The following GALNT14 variants were observed in gnomAD, a reference collection of about 807,000 sequenced individuals.
GALNT14 encodes polypeptide N-acetylgalactosaminyltransferase 14, also known as UDP-GalNAc:polypeptide N-acetylgalactosaminyltransferase 14.
A neutral mutation model predicts 77.5 loss-of-function variants in GALNT14; 60 were observed. That is an observed-to-expected ratio of 0.77 (90% CI 0.63 to 0.96). GALNT14 has a LOEUF of 0.96. GALNT14 is among the 40% of genes least tolerant of loss of function. The pLI, the probability that GALNT14 is intolerant of heterozygous loss-of-function variation, is 0.00. For synonymous variants in GALNT14, 280 were observed against 281.7 expected (o/e 0.99, Z 0.06); for missense variants, 710 against 731.0 (o/e 0.97, Z 0.33).
At chr2:31,037,733 G>T (rs1026171348) in intron 1 of GALNT14, among the ~76,000 whole-genome samples, 9 of 152,018 alleles carry the variant, frequency 5.9e-5, no homozygotes, top group African/African-American at 2.2e-4. Flanking sequence ...TGTAGTCACT[G>T]AAGCCTTGAT....
At chr2:31,100,683 T>C (rs968109053) in intron 1 of GALNT14, among the ~76,000 whole-genome samples, 3 of 140,336 alleles carry the variant, frequency 2.1e-5, no homozygotes, top group African/African-American at 5.6e-5. Context: ...TAGCCTGAGA[T>C]GGATGTGTTT....
Position 30,910,870 on chromosome 2 carries a change from C to T in GALNT14, c.*31G>A, listed in dbSNP as rs769204797. On this transcript the variant is annotated 3_prime_UTR_variant, in exon 15 of 15. Coordinates refer to ENST00000349752, the MANE Select transcript of GALNT14 (RefSeq NM_024572.4). ...TGTTCTGGTCCAGGGAAGCACCACC[C>T]CATGGCCCTTGCTGCTTCTGGCAGG... 10 of 1,609,626 alleles carry T rather than the reference C, an allele frequency of 6.2e-6. No individual in the cohort carries two copies. The highest frequency in any genetic ancestry group is 8.5e-6 in the Non-Finnish European group (10 of 1,177,810).
At chr2:30,982,758 T>C (rs1464016850) in intron 2 of GALNT14, among the ~76,000 whole-genome samples, 3 of 152,230 alleles carry the variant, frequency 2.0e-5, no homozygotes, top group African/African-American at 4.8e-5. Context: ...GGAAAAATTC[T>C]TCAAGATATA....
At chr2:30,969,179 G>A (rs1668192756) in intron 2 of GALNT14, among the ~76,000 whole-genome samples, 1 of 152,204 alleles carries the variant, frequency 6.6e-6, no homozygotes, top group Admixed American at 6.5e-5. Flanking sequence ...GACAGCAGAG[G>A]AAAAAGAGCC....
At chr2:30,930,489 G>C (rs1364423492) in intron 10 of GALNT14, among the ~76,000 whole-genome samples, 2 of 152,236 alleles carry the variant, frequency 1.3e-5, no homozygotes, top group Non-Finnish European at 2.9e-5. Flanking sequence ...AAAGGAGACA[G>C]ACAGAGAGAC....
intron 2 of GALNT14, among the ~76,000 whole-genome samples, chr2:30,971,834 G>A (rs551519818): frequency 4.6e-5 from 7 of 152,070 alleles, no homozygotes; most frequent in Non-Finnish European, 7.4e-5. Flanking sequence ...AGTCATGGCA[G>A]TCATGTCATG....
rs182991156 is a variant in GALNT14, at chr2:30,932,729, G to T, written c.932-535C>A. 1.6e-3 allele frequency among the ~76,000 whole-genome samples: 245 copies of T among 152,280 alleles called. No homozygotes were observed. In the Middle Eastern group the frequency reaches 0.02, roughly 13 times the overall value. On this transcript the variant is annotated intron_variant, in intron 9 of 14. Transcript: ENST00000349752. ...CTTCACGGCAAGGATGCAACAAAGG[G>T]GACTGAGTCCCCAGAAGGCCTCAGG...
chr2:31,075,647 G>T (rs1339802508), intron 1 of GALNT14, among the ~76,000 whole-genome samples: 1 of 152,214 alleles, frequency 6.6e-6, no homozygotes, highest in African/African-American at 2.4e-5. Context: ...AGGGACCACT[G>T]CTCCTCCGTG....
chr2:31,101,383 G>A (rs1020519939), intron 1 of GALNT14, among the ~76,000 whole-genome samples: 1 of 151,942 alleles, frequency 6.6e-6, no homozygotes, highest in African/African-American at 2.4e-5. Flanking sequence ...TCAGGTTTTG[G>A]TAAAAGTTAT....
chr2:31,062,727 T>C (rs904298756), intron 1 of GALNT14, among the ~76,000 whole-genome samples: 5 of 152,194 alleles, frequency 3.3e-5, no homozygotes, highest in Non-Finnish European at 5.9e-5. Context: ...GTATCTGTTG[T>C]TTCATGACTT....
intron 1 of GALNT14, among the ~76,000 whole-genome samples, chr2:31,094,632 G>A (rs180738117): frequency 2.6e-5 from 4 of 152,344 alleles, no homozygotes; most frequent in East Asian, 1.9e-4. Flanking sequence ...CTAGCCAAGT[G>A]TTGCTCAGCT....
intron 1 of GALNT14, among the ~76,000 whole-genome samples, chr2:31,130,777 T>TGCGC (rs1170219175): frequency 6.6e-5 from 9 of 137,106 alleles, no homozygotes; most frequent in African/African-American, 2.7e-4. Flanking sequence ...TGTGTGTGTG[T>TGCGC]GTGTGTGCGC....
chr2:31,097,971 T>C lies in GALNT14; in HGVS notation c.129+39987A>G, dbSNP rs946910593. Among the ~76,000 whole-genome samples, 49 of 152,170 alleles carry C rather than the reference T, an allele frequency of 3.2e-4. 1 individual carries two copies. Among genetic ancestry groups the C allele is most frequent in the Non-Finnish European group, 2.9e-5 (2 of 68,016 alleles). Reference sequence around the variant, plus strand: ...ATGTTTGCCTAGTTAATTTCCATGATCTGTTCCACCTCCACCATTTTGTGC... The same window carrying C: ...ATGTTTGCCTAGTTAATTTCCATGACCTGTTCCACCTCCACCATTTTGTGC... On this transcript the variant is annotated intron_variant, in intron 1 of 14. Coordinates refer to ENST00000349752, the MANE Select transcript of GALNT14 (RefSeq NM_024572.4).
chr2:31,075,428 T>A (rs1337797098), intron 1 of GALNT14, among the ~76,000 whole-genome samples: 2 of 152,162 alleles, frequency 1.3e-5, no homozygotes, highest in African/African-American at 4.8e-5. Flanking sequence ...TAGAAGCTGC[T>A]CCTAAAAGGT....
chr2:30,951,548 A>G (rs1222416115), intron 6 of GALNT14, among the ~76,000 whole-genome samples: 3 of 152,256 alleles, frequency 2.0e-5, no homozygotes, highest in African/African-American at 7.2e-5. Context: ...TGGTGATTAC[A>G]CAACCTTGTG....
At chr2:30,955,481 A>G in intron 6 of GALNT14, 137 bp downstream of exon 6, 1 of 1,191,788 alleles carries the variant, frequency 8.4e-7, no homozygotes, top group Non-Finnish European at 1.2e-6. Context: ...TTCCTTCATC[A>G]ATAAAATCGG....
intron 1 of GALNT14, among the ~76,000 whole-genome samples, chr2:31,000,920 C>T (rs2148420578): frequency 6.6e-6 from 1 of 152,222 alleles, no homozygotes; most frequent in South Asian, 2.1e-4. Flanking sequence ...ATTCTAACCC[C>T]CACAAACTTA....
intron 2 of GALNT14, among the ~76,000 whole-genome samples, chr2:30,984,085 C>A (rs1669152078): frequency 6.6e-6 from 1 of 152,184 alleles, no homozygotes; most frequent in African/African-American, 2.4e-5. Flanking sequence ...GGAAACCCAG[C>A]AGTGAGTCTG....
At chr2:30,935,806 G>C (rs556582643) in intron 9 of GALNT14, among the ~76,000 whole-genome samples, 3 of 152,304 alleles carry the variant, frequency 2.0e-5, no homozygotes, top group South Asian at 2.1e-4. Context: ...CACAGGACCT[G>C]AGGTCCTGTG....
Sources: gnomAD v4.1 joint callset for allele counts (sites outside exome capture counted in the v4.1 genomes callset) on GRCh38, gnomAD v4.1.1 for gene constraint, MANE v1.5 for transcripts, NCBI Gene and HGNC (gene_info 2026-07-23, HGNC 2026-07-21) for gene names.